Variants in SANBR observed in about 807,000 individuals in gnomAD.
SANBR encodes SANT and BTB domain regulator of class switch recombination.
Under a neutral mutation model 101.8 loss-of-function variants are expected in SANBR, and 77 were observed. That is an observed-to-expected ratio of 0.76 (90% confidence interval 0.63 to 0.91). The LOEUF is 0.91. SANBR is among the 40% of genes least tolerant of loss of function. The pLI, the probability that SANBR is intolerant of heterozygous loss-of-function variation, is 0.00. For synonymous variants in SANBR, 279 were observed against 274.7 expected, an observed-to-expected ratio of 1.02 and a Z score of -0.15; for missense variants, 875 against 853.0, an observed-to-expected ratio of 1.03 and a Z score of -0.32.
chr2:61,131,835 A>G (rs1040097383), intron 20 of SANBR, among the ~76,000 whole-genome samples: 2 of 152,250 alleles, frequency 1.3e-5, no homozygotes, highest in Admixed American at 6.5e-5. Context: ...TGGTATAAGG[A>G]TAGACATACA....
intron 16 of SANBR, among the ~76,000 whole-genome samples, chr2:61,115,551 A>G (rs183510955): frequency 2.0e-5 from 3 of 152,232 alleles, no homozygotes; most frequent in Non-Finnish European, 4.4e-5. Context: ...AAGCCCTAAA[A>G]TATACAAAGC....
At chr2:61,074,786 A>G (rs1482943953) in intron 5 of SANBR, among the ~76,000 whole-genome samples, 1 of 152,152 alleles carries the variant, frequency 6.6e-6, no homozygotes, top group Admixed American at 6.5e-5. Flanking sequence ...ATAATCTAAT[A>G]TTTTATACTC....
In SANBR at chr2:61,077,049, G is replaced by C; in HGVS notation, c.561G>C (p.Trp187Cys). Residue 187 changes from tryptophan to cysteine, a missense_variant, in exon 6 of 22, where the codon TGG (tryptophan) becomes TGC (cysteine). Trp to Cys is a radical substitution (Grantham distance 215). Transcript: ENST00000402291. Reference sequence around the variant, plus strand: ...ATTTATCTATGGATGCCCAGCGCTGGGAAGAGGTGGACATTTCAGTTCATT... The same window carrying C: ...ATTTATCTATGGATGCCCAGCGCTGCGAAGAGGTGGACATTTCAGTTCATT... Reference protein sequence around the residue: ...AEYLSMDAQRWEEVDISVHCD... With the variant: ...AEYLSMDAQRCEEVDISVHCD... 1 of 1,613,984 alleles carries C rather than the reference G, an allele frequency of 6.2e-7. No individual in the cohort carries two copies. Among genetic ancestry groups the C allele is most frequent in the Non-Finnish European group, 8.5e-7 (1 of 1,179,880 alleles).
intron 2 of SANBR, among the ~76,000 whole-genome samples, chr2:61,069,932 T>G (rs1681372177): frequency 6.6e-6 from 1 of 152,216 alleles, no homozygotes; most frequent in African/African-American, 2.4e-5. Context: ...ATACGTCTTG[T>G]GTGGAATGGA....
chr2:61,070,376 A>G lies in SANBR; in HGVS notation c.26A>G (p.Asn9Ser), dbSNP rs1305545396. 1.3e-6 allele frequency: 2 copies of G among 1,591,790 alleles called. No homozygotes were observed. The highest frequency in any genetic ancestry group is 1.7e-6 in the Non-Finnish European group (2 of 1,172,342). Residue 9 changes from asparagine (N) to serine (S), a missense_variant, in exon 3 of 22, where the codon AAC (asparagine) becomes AGC (serine). By Grantham distance (46) the Asn-to-Ser change is conservative (BLOSUM62 1). Coordinates refer to ENST00000402291, the MANE Select transcript of SANBR (RefSeq NM_001129993.3). The part of the protein sequence containing the change: MSRGYSEN[N>S]NFLNNNNQMV... Reference sequence around the variant, plus strand: ...ATGAGTCGTGGATATTCAGAAAACAACAATTTCCTGAACAATAATAACCAA... The same window carrying G: ...ATGAGTCGTGGATATTCAGAAAACAGCAATTTCCTGAACAATAATAACCAA...
chr2:61,134,854 A>C (rs1292480766), intron 21 of SANBR, among the ~76,000 whole-genome samples: 1 of 152,018 alleles, frequency 6.6e-6, no homozygotes, highest in East Asian at 1.9e-4. Flanking sequence ...AGATCGCGCC[A>C]CTGCACTCCA....
intron 6 of SANBR, among the ~76,000 whole-genome samples, chr2:61,080,112 G>A (rs900794288): frequency 6.9e-6 from 1 of 145,982 alleles, no homozygotes; most frequent in Non-Finnish European, 1.5e-5. Flanking sequence ...CAGGAGAATC[G>A]CTTGAAACCG....
intron 10 of SANBR, chr2:61,088,860 A>G: frequency 1.0e-6 from 1 of 968,310 alleles, no homozygotes; most frequent in Non-Finnish European, 1.2e-6. Flanking sequence ...ATTTATAAAA[A>G]TATAACTACT....
intron 14 of SANBR, among the ~76,000 whole-genome samples, chr2:61,107,382 C>A (rs1365176196): frequency 6.6e-6 from 1 of 152,030 alleles, no homozygotes; most frequent in Non-Finnish European, 1.5e-5. Context: ...CAGAGTGAGA[C>A]CCTGTCTCAA....
intron 12 of SANBR, among the ~76,000 whole-genome samples, chr2:61,103,159 A>C (rs1164508872): frequency 2.7e-5 from 4 of 146,944 alleles, no homozygotes; most frequent in African/African-American, 1.0e-4. Context: ...TTTTTGAGAC[A>C]GGGTTTCACT....
At chr2:61,066,704 T>C (rs1220245160) in intron 1 of SANBR, among the ~76,000 whole-genome samples, 3 of 152,204 alleles carry the variant, frequency 2.0e-5, no homozygotes, top group African/African-American at 7.2e-5. Flanking sequence ...CGTCTCTGTC[T>C]CCAAGAGCTT....
chr2:61,123,305 T>G lies in SANBR; in HGVS notation c.*1143T>G. 1 of 979,692 alleles carries G rather than the reference T, an allele frequency of 1.0e-6. No homozygotes were observed. Among genetic ancestry groups the G allele is most frequent in the South Asian group, 4.7e-5 (1 of 21,156 alleles). The allele number at this position is 979,692 out of a possible 1,614,324, so 60.7% of individuals were successfully genotyped here. ...TTCAAATTATTCAGAGAACAGACTT[T>G]AATAATGTGTGACAAAAGAGCAATT... On this transcript the variant is annotated 3_prime_UTR_variant, in exon 22 of 22. Coordinates refer to ENST00000402291, the MANE Select transcript of SANBR (RefSeq NM_001129993.3).
chr2:61,131,079 A>T (rs1445824610), intron 20 of SANBR, among the ~76,000 whole-genome samples: 138 of 152,112 alleles, frequency 9.1e-4, no homozygotes, highest in Non-Finnish European at 1.2e-4. Context: ...ACATCTACAA[A>T]AACCCCACAG....
At chr2:61,110,611 G>A (rs752966557) in intron 16 of SANBR, among the ~76,000 whole-genome samples, 3 of 152,182 alleles carry the variant, frequency 2.0e-5, no homozygotes, top group East Asian at 1.9e-4. Context: ...CCCGCAAGGC[G>A]GAGGTTGCAG....
rs1008560522 is a variant in SANBR at position 61,117,953 on chromosome 2, T to G, written c.1940-75T>G. 5 of 1,062,726 alleles carry G rather than the reference T, an allele frequency of 4.7e-6. No homozygotes were observed. The Admixed American group carries it at 1.1e-4, about 23-fold the overall frequency. The allele number at this position is 1,062,726 out of a possible 1,614,324, so 65.8% of individuals were successfully genotyped here. On this transcript the variant is annotated intron_variant, in intron 19 of 21. Coordinates refer to ENST00000402291, the MANE Select transcript of SANBR (RefSeq NM_001129993.3). ...GATATTTTCATAAACCCTAGGTGAT[T>G]ACAGTCTTTTTGAGAAATAAAAAGT...
Position 61,109,295 on chromosome 2 carries a change from A to T in SANBR, c.1743A>T (p.Gln581His), listed in dbSNP as rs1327088327. 1 of 1,527,680 alleles carries T rather than the reference A, an allele frequency of 6.5e-7. No homozygotes were observed. The highest frequency in any genetic ancestry group is 1.8e-5 in the Admixed American group (1 of 55,976). The allele number at this position is 1,527,680 out of a possible 1,614,324, so 94.6% of individuals were successfully genotyped here. A position where few individuals can be genotyped will look rare whatever the true frequency, so the allele number is the denominator to read the frequency against. Residue 581 changes from glutamine to histidine, a missense_variant and splice_region_variant, in exon 16 of 22, where the codon CAA becomes CAT. Transcript: ENST00000402291. ...VGDEEEVSKK[Q>H]RKKEKPKKFT... ...ATGAAGAAGAAGTATCCAAGAAACAAAGTATTGGTTTATAAGTTAAAATCA... is the reference window on the plus strand; with the variant it reads ...ATGAAGAAGAAGTATCCAAGAAACATAGTATTGGTTTATAAGTTAAAATCA...
chr2:61,082,549 C>T (rs905538711), intron 7 of SANBR, among the ~76,000 whole-genome samples: 1 of 152,138 alleles, frequency 6.6e-6, no homozygotes, highest in African/African-American at 2.4e-5. Context: ...AGACCAGGCG[C>T]GGTGGCTCAC....
intron 20 of SANBR, among the ~76,000 whole-genome samples, chr2:61,129,991 C>G (rs1423801977): frequency 6.6e-6 from 1 of 151,864 alleles, no homozygotes. Context: ...GGGAATGGAG[C>G]TATATAGGAA....
At chr2:61,120,518 C>T (rs1684285237) in intron 20 of SANBR, among the ~76,000 whole-genome samples, 1 of 151,944 alleles carries the variant, frequency 6.6e-6, no homozygotes, top group Admixed American at 6.6e-5. Context: ...AACATTGAGC[C>T]CAGGAATTCA....
Sources: gnomAD v4.1 joint callset for allele counts (sites outside exome capture counted in the v4.1 genomes callset) on GRCh38, gnomAD v4.1.1 for gene constraint, MANE v1.5 for transcripts, NCBI Gene and HGNC (gene_info 2026-07-23, HGNC 2026-07-21) for gene names.